SLC9C2: variants seen among roughly 807,000 people sequenced by gnomAD.
SLC9C2 encodes the protein sodium/hydrogen exchanger 11.
A neutral mutation model predicts 140.2 loss-of-function variants in SLC9C2; 75 were observed. The ratio of observed to expected loss-of-function variants is 0.53; its 90% CI spans 0.44 to 0.65. The LOEUF (loss-of-function observed/expected upper bound fraction) is 0.65. SLC9C2 is among the 30% of genes least tolerant of loss of function. The probability of loss-of-function intolerance (pLI) is 0.00; values close to 1 mark genes in which losing one functional copy is unlikely to be tolerated. For synonymous variants in SLC9C2, 375 were observed against 420.9 expected, an observed-to-expected ratio of 0.89 and a Z score of 1.34; for missense variants, 1,074 against 1,331.8, an observed-to-expected ratio of 0.81 and a Z score of 3.01.
chr1:173,547,215 C>T (rs1178737279), intron 13 of SLC9C2, among the ~76,000 whole-genome samples: 1 of 151,892 alleles, frequency 6.6e-6, no homozygotes, highest in Non-Finnish European at 1.5e-5. Flanking sequence ...ACCAGGTAAT[C>T]TTCCTATATT....
intron 9 of SLC9C2, among the ~76,000 whole-genome samples, chr1:173,560,306 G>A (rs544538801): frequency 2.0e-5 from 3 of 152,320 alleles, no homozygotes; most frequent in Admixed American, 6.5e-5. Flanking sequence ...CTTCAGGGCC[G>A]ATAGCCCATC....
At chr1:173,553,834 A>G (rs1473300949) in intron 11 of SLC9C2, among the ~76,000 whole-genome samples, 2 of 152,212 alleles carry the variant, frequency 1.3e-5, no homozygotes, top group Non-Finnish European at 2.9e-5. Context: ...AATCTCTAGT[A>G]GTCTGATCAA....
intron 6 of SLC9C2, among the ~76,000 whole-genome samples, chr1:173,582,210 T>C (rs1665584494): frequency 6.6e-6 from 1 of 152,184 alleles, no homozygotes; most frequent in Non-Finnish European, 1.5e-5. Context: ...AGTCCGCAGC[T>C]TAAGGTTTGC....
intron 7 of SLC9C2, among the ~76,000 whole-genome samples, chr1:173,580,464 G>T (rs1665458598): frequency 6.6e-6 from 1 of 151,914 alleles, no homozygotes; most frequent in Non-Finnish European, 1.5e-5. Flanking sequence ...GGATTCTTGT[G>T]ACTTAGCCTC....
chr1:173,542,642 A>G (rs942114133), intron 13 of SLC9C2, among the ~76,000 whole-genome samples: 3 of 152,212 alleles, frequency 2.0e-5, no homozygotes, highest in Non-Finnish European at 4.4e-5. Context: ...CCAGCAGCAC[A>G]CCAAACAGCT....
Position 173,507,079 on chromosome 1 carries a change from A to C in SLC9C2, c.3040-38T>G, listed in dbSNP as rs772469737. On this transcript the variant is annotated intron_variant, in intron 24 of 27. Coordinates refer to ENST00000367714, the MANE Select transcript of SLC9C2 (RefSeq NM_178527.4). ...TGCATTTTAGAAAATAAGTCATACA[A>C]ACTGACAGATGGTATCAAGAAGAAA... The C allele has an allele frequency of 8.4e-6, 12 of 1,436,790 alleles. No individual in the cohort carries two copies. In the Admixed American group the frequency reaches 2.7e-4, roughly 32 times the overall value. The allele number at this position is 1,436,790 out of a possible 1,614,324, so 89.0% of individuals were successfully genotyped here.
intron 16 of SLC9C2, among the ~76,000 whole-genome samples, 156 bp from the exon 17 acceptor site, chr1:173,533,953 T>C (rs1247953964): frequency 1.3e-5 from 2 of 152,182 alleles, no homozygotes; most frequent in African/African-American, 4.8e-5. Flanking sequence ...AAAAATTCTT[T>C]AAAATCTTCA....
At chr1:173,501,461 G>A (rs1184938618) in intron 27 of SLC9C2, among the ~76,000 whole-genome samples, 1 of 151,414 alleles carries the variant, frequency 6.6e-6, no homozygotes, top group African/African-American at 2.4e-5. Context: ...AGTAATGGGG[G>A]CTGAGACAAG....
At chr1:173,512,676 T>A (rs1314265723) in intron 23 of SLC9C2, among the ~76,000 whole-genome samples, 2 of 152,218 alleles carry the variant, frequency 1.3e-5, no homozygotes, top group African/African-American at 4.8e-5. Context: ...TAGCCAGAAC[T>A]TCTAATACTA....
chr1:173,504,664 T>C (rs1005800862), intron 26 of SLC9C2, among the ~76,000 whole-genome samples: 1 of 152,066 alleles, frequency 6.6e-6, no homozygotes, highest in Non-Finnish European at 1.5e-5. Context: ...TGGAAGATCT[T>C]GTGTGTGTTT....
At chr1:173,587,912 A>G in intron 4 of SLC9C2, 82 bp from the exon 5 acceptor site, 1 of 1,094,978 alleles carries the variant, frequency 9.1e-7, no homozygotes, top group Non-Finnish European at 1.3e-6. Flanking sequence ...TAAGAGTCAG[A>G]TCTTGGTTGT....
At position 173,600,244 on chromosome 1, in the gene SLC9C2, A is replaced by G. The variant is rs758347880; in HGVS notation, c.128-27T>C. ...TAAATGTGAAAAACAGAATAGTTGC[A>G]TGAGTACTCGAAGTACAGTTTCTAC... On this transcript the variant is annotated intron_variant, in intron 2 of 27. Transcript: ENST00000367714. 4 of 1,537,622 alleles carry G rather than the reference A, an allele frequency of 2.6e-6. No individual in the cohort carries two copies. In the South Asian group the frequency reaches 4.5e-5, roughly 17 times the overall value.
rs568606698 is a variant in SLC9C2, at chr1:173,520,467, T to C, written c.2739+834A>G. ...CTTACTTGTTTTGTTCATTGTCCCATCTCCTTTTATCCCTCTACTAGAAAT... is the reference window on the plus strand; with the variant it reads ...CTTACTTGTTTTGTTCATTGTCCCACCTCCTTTTATCCCTCTACTAGAAAT... On this transcript the variant is annotated intron_variant, in intron 22 of 27. Transcript: ENST00000367714. 2.0e-5 allele frequency among the ~76,000 whole-genome samples: 3 copies of C among 152,298 alleles called. No homozygotes were observed. The East Asian group carries it at 5.8e-4, about 29-fold the overall frequency.
Position 173,576,755 on chromosome 1 carries a change from A to G in SLC9C2, c.808T>C (p.Phe270Leu). The G allele has an allele frequency of 1.3e-6, 2 of 1,594,160 alleles. No individual in the cohort carries two copies. The highest frequency in any genetic ancestry group is 1.1e-5 in the South Asian group (1 of 87,696). ...MVYMTFYIVEFLGMSGTLALA... is the reference protein window; with the variant it reads ...MVYMTFYIVELLGMSGTLALA... ...GCAAGAGTGCCTGACATTCCTAAAA[A>G]TTCCACTGGGGAGAAAAAAAAAACA... Residue 270 changes from phenylalanine (F) to leucine (L), a missense_variant, in exon 8 of 28, where the codon TTT becomes CTT. Coordinates refer to ENST00000367714, the MANE Select transcript of SLC9C2 (RefSeq NM_178527.4).
Position 173,524,041 on chromosome 1 carries a change from G to A in SLC9C2, c.2568C>T (p.Pro856=), listed in dbSNP as rs372976537. The A allele has an allele frequency of 4.3e-6, 7 of 1,613,540 alleles. No homozygotes were observed. Among genetic ancestry groups the A allele is most frequent in the Non-Finnish European group, 5.9e-6 (7 of 1,179,782 alleles). The change falls in exon 21 of 28, where the codon CCC becomes CCT. Residue 856 remains proline, a synonymous_variant. Transcript: ENST00000367714. ...ALNNFPKAIP[P]PTPDIYLHNI... ...TGTGAAGGTATATGTCAGGAGTTGG[G>A]GGTGGGATTGCCTTTGGAAAGTTAT...
At chr1:173,505,960 C>G (rs1212563595) in intron 25 of SLC9C2, among the ~76,000 whole-genome samples, 1 of 152,124 alleles carries the variant, frequency 6.6e-6, no homozygotes, top group Non-Finnish European at 1.5e-5. Context: ...AAACCCTGGT[C>G]TCTTAAGAAA....
chr1:173,554,126 A>T (rs770186186), intron 11 of SLC9C2, among the ~76,000 whole-genome samples: 14 of 152,200 alleles, frequency 9.2e-5, no homozygotes, highest in Non-Finnish European at 1.9e-4. Flanking sequence ...ATCTCCCAAC[A>T]TCCATTCTCT....
intron 9 of SLC9C2, among the ~76,000 whole-genome samples, chr1:173,560,068 T>A (rs1201023267): frequency 2.0e-5 from 3 of 152,356 alleles, no homozygotes; most frequent in Non-Finnish European, 4.4e-5. Context: ...AAAGCCTGGC[T>A]TTCAGAACTG....
chr1:173,587,629 T>G (rs751942357), intron 5 of SLC9C2, 36 bp downstream of exon 5: 2 of 1,555,928 alleles, frequency 1.3e-6, no homozygotes, highest in African/African-American at 2.8e-5. Context: ...TACCCTTATA[T>G]TTTCAAGATA....
Sources: allele counts gnomAD v4.1 joint callset (sites outside exome capture counted in the v4.1 genomes callset), GRCh38; gene constraint gnomAD v4.1.1; transcripts MANE v1.5; gene names NCBI Gene and HGNC (gene_info 2026-07-23, HGNC 2026-07-21).